Variants in DMBT1 observed in about 807,000 individuals in gnomAD.
The protein encoded by DMBT1 is deleted in malignant brain tumors 1.
Under a neutral mutation model 252.9 loss-of-function variants are expected in DMBT1, and 198 were observed. That is an observed-to-expected ratio of 0.78 (90% CI 0.70 to 0.88). The LOEUF is 0.88. Ranked by LOEUF, DMBT1 falls within the 40% of genes least tolerant of loss-of-function variation. The pLI is 0.00. For synonymous variants in DMBT1, 990 were observed against 942.7 expected, an observed-to-expected ratio of 1.05 and a Z score of -0.92; for missense variants, 2,432 against 2,404.7, an observed-to-expected ratio of 1.01 and a Z score of -0.24.
At position 122,640,246 on chromosome 10, in the gene DMBT1, C is replaced by T. The variant is rs749231034; in HGVS notation, c.7149C>T (p.Asp2383=). ...QVEEVQYGNF[D]VNISFYTSSS... Reference sequence around the variant, plus strand: ...AGGAAGTCCAGTATGGCAATTTTGACGTGAACATTTCCTTTTATACTTCCT... The same window carrying T: ...AGGAAGTCCAGTATGGCAATTTTGATGTGAACATTTCCTTTTATACTTCCT... Residue 2383 remains aspartate, a synonymous_variant, in exon 55 of 56, where the codon GAC becomes GAT. Coordinates refer to ENST00000338354, the MANE Select transcript of DMBT1 (RefSeq NM_001377530.1). 2.4e-5 allele frequency: 38 copies of T among 1,613,912 alleles called. No individual in the cohort carries two copies. The highest frequency in any genetic ancestry group is 1.1e-4 in the East Asian group (5 of 44,896).
intron 2 of DMBT1, among the ~76,000 whole-genome samples, chr10:122,569,867 T>C (rs1239779944): frequency 6.6e-6 from 1 of 152,206 alleles, no homozygotes; most frequent in Non-Finnish European, 1.5e-5. Context: ...TCATTGACAT[T>C]GGATCTTGTG....
chr10:122,635,987 G>T lies in DMBT1; in HGVS notation c.6549-4G>T. The T allele has an allele frequency of 6.2e-7, 1 of 1,613,852 alleles. No individual in the cohort carries two copies. The highest frequency in any genetic ancestry group is 8.5e-7 in the Non-Finnish European group (1 of 1,179,886). ...AAGCCAAATGGTGTGTCCTCTCTCT[G>T]CAGGCTTGAAGGTGGCTGCAACTAT... On this transcript the variant is annotated splice_polypyrimidine_tract_variant and splice_region_variant and intron_variant, in intron 52 of 55. Transcript: ENST00000338354.
intron 2 of DMBT1, among the ~76,000 whole-genome samples, chr10:122,569,410 C>A (rs1038580042): frequency 1.3e-5 from 2 of 152,208 alleles, no homozygotes; most frequent in African/African-American, 4.8e-5. Flanking sequence ...AAGAGAACTT[C>A]TCCTGGACCC....
chr10:122,633,952 A>G (rs996388457), intron 52 of DMBT1, among the ~76,000 whole-genome samples: 4 of 152,094 alleles, frequency 2.6e-5, no homozygotes, highest in African/African-American at 9.7e-5. Flanking sequence ...TGAGCAATAT[A>G]GGGAGACCCC....
chr10:122,569,923 G>A (rs3019530), intron 2 of DMBT1, among the ~76,000 whole-genome samples: 1 of 151,580 alleles, frequency 6.6e-6, no homozygotes, highest in Non-Finnish European at 1.5e-5. Context: ...TTGAATACAG[G>A]TCGTGGCAGC....
At chr10:122,619,413 C>A in intron 42 of DMBT1, 76 bp downstream of exon 42, 1 of 1,587,542 alleles carries the variant, frequency 6.3e-7, no homozygotes, top group South Asian at 1.1e-5. Flanking sequence ...CCACAGAGCT[C>A]TCCTGCTTTT....
At chr10:122,577,866 G>C in intron 8 of DMBT1, 26 bp downstream of exon 8, 1 of 1,612,814 alleles carries the variant, frequency 6.2e-7, no homozygotes, top group Non-Finnish European at 8.5e-7. Context: ...CCTTCCTCGG[G>C]ATACCCCTTC....
At position 122,618,334 on chromosome 10, in the gene DMBT1, T is replaced by C; in HGVS notation, c.5209T>C (p.Cys1737Arg). 1 of 1,613,892 alleles carries C rather than the reference T, an allele frequency of 6.2e-7. No homozygotes were observed. Among genetic ancestry groups the C allele is most frequent in the Non-Finnish European group, 8.5e-7 (1 of 1,179,774 alleles). Reference protein sequence around the residue: ...CGHHEDAGVICSAAQSQSTPR... With the variant: ...CGHHEDAGVIRSAAQSQSTPR... The stretch of plus-strand genomic sequence containing the variant: ...CCATCATGAAGATGCTGGTGTCATC[T>C]GCTCAGGTGGGCTTTCAAGACCTTG... The change falls in exon 41 of 56, where the codon TGC (cysteine) becomes CGC (arginine). Residue 1737 changes from cysteine to arginine, a missense_variant. Physicochemically the swap from Cys to Arg is radical, Grantham distance 180. Transcript: ENST00000338354.
chr10:122,640,753 G>T (rs531440706), intron 55 of DMBT1, among the ~76,000 whole-genome samples: 2 of 152,276 alleles, frequency 1.3e-5, no homozygotes, highest in African/African-American at 4.8e-5. Context: ...CACTCAGCAG[G>T]TTAGCTGTAA....
At position 122,593,774 on chromosome 10, in the gene DMBT1, G is replaced by A. The variant is rs924565405; in HGVS notation, c.2530+176G>A. Among the ~76,000 whole-genome samples, 8 of 147,716 alleles carry A rather than the reference G, an allele frequency of 5.4e-5. 1 individual carries two copies. The highest frequency in any genetic ancestry group is 7.6e-5 in the Non-Finnish European group (5 of 66,116). On this transcript the variant is annotated intron_variant, in intron 21 of 55. Transcript: ENST00000338354. The stretch of plus-strand genomic sequence containing the variant: ...GCACAGCGCTTTTTAAACACACACA[G>A]GATTGAGGAGGCCTCTGTCTTCTTT...
intron 50 of DMBT1, 48 bp from the exon 51 acceptor site, chr10:122,632,813 G>A (rs1011920435): frequency 6.2e-7 from 1 of 1,606,568 alleles, no homozygotes; most frequent in Admixed American, 1.7e-5. Context: ...CGACAGCTGT[G>A]TCAGGGATGC....
At chr10:122,597,867 C>T in intron 24 of DMBT1, 107 bp from the exon 25 acceptor site, 3 of 1,548,736 alleles carry the variant, frequency 1.9e-6, no homozygotes, top group Non-Finnish European at 2.7e-6. Context: ...TGGCAGGAAC[C>T]AGAAGTGGGG....
intron 28 of DMBT1, among the ~76,000 whole-genome samples, chr10:122,601,446 GCTC>G (rs1322419209): frequency 4.5e-4 from 32 of 71,564 alleles, no homozygotes; most frequent in Non-Finnish European, 7.0e-4. Flanking sequence ...GTGCCAATGA[GCTC>G]CTGAATTCGG....
intron 26 of DMBT1, among the ~76,000 whole-genome samples, chr10:122,599,467 ACT>A (rs1182382805): frequency 2.0e-5 from 3 of 152,190 alleles, no homozygotes; most frequent in Non-Finnish European, 4.4e-5. Flanking sequence ...ACTGTGAGGA[ACT>A]CTGAACTAAA....
chr10:122,577,782 T>A lies in DMBT1; in HGVS notation c.608-29T>A, dbSNP rs755888132. 10 of 1,613,086 alleles carry A rather than the reference T, an allele frequency of 6.2e-6. No homozygotes were observed. The South Asian group carries it at 9.9e-5, about 16-fold the overall frequency. Reference sequence around the variant, plus strand: ...CTACTTGGAGTCACTGAGTGTTTGGTGTCTAATGTTGCTATTTTTTTCTCA... The same window carrying A: ...CTACTTGGAGTCACTGAGTGTTTGGAGTCTAATGTTGCTATTTTTTTCTCA... On this transcript the variant is annotated intron_variant, in intron 7 of 55. Coordinates refer to ENST00000338354, the MANE Select transcript of DMBT1 (RefSeq NM_001377530.1).
chr10:122,599,090 C>G lies in DMBT1; in HGVS notation c.3273C>G (p.Ile1091Met). The change falls in exon 26 of 56, where the codon ATC (isoleucine) becomes ATG (methionine). Residue 1091 changes from isoleucine to methionine, a missense_variant. Ile to Met is a conservative substitution (Grantham distance 10). Coordinates refer to ENST00000338354, the MANE Select transcript of DMBT1 (RefSeq NM_001377530.1). ...NCGHSEDAGV[I>M]CSASQSRPTP... is the part of the protein sequence containing the mutation. ...GCCATAGTGAAGACGCTGGTGTCAT[C>G]TGCTCAGGTGGGCCTTCAAGAACTT... 1.2e-6 allele frequency: 2 copies of G among 1,613,868 alleles called. No homozygotes were observed. The highest frequency in any genetic ancestry group is 1.7e-6 in the Non-Finnish European group (2 of 1,179,772).
rs187544343 is a variant in DMBT1 at position 122,573,691 on chromosome 10, G to A, written c.236-24G>A. On this transcript the variant is annotated intron_variant, in intron 5 of 55. Coordinates refer to ENST00000338354, the MANE Select transcript of DMBT1 (RefSeq NM_001377530.1). ...CCCAAGCGAGGGCTACGATCAATGA[G>A]CTCTTCCTTTCTCCACCCTGCAGGT... is the stretch of plus-strand genomic sequence containing the variant. 9.8e-5 allele frequency: 158 copies of A among 1,613,758 alleles called. No homozygotes were observed. In the East Asian group the frequency reaches 2.9e-3, roughly 29 times the overall value.
At chr10:122,589,927 G>A (rs1469302770) in intron 17 of DMBT1, among the ~76,000 whole-genome samples, 2 of 148,682 alleles carry the variant, frequency 1.3e-5, no homozygotes, top group African/African-American at 4.9e-5. Context: ...CCCAACATGA[G>A]TCTTGTATGG....
At chr10:122,568,670 G>A (rs1316882693) in intron 2 of DMBT1, among the ~76,000 whole-genome samples, 1 of 152,240 alleles carries the variant, frequency 6.6e-6, no homozygotes, top group Non-Finnish European at 1.5e-5. Context: ...GGCTAATGGG[G>A]CACTATGTGT....
Sources: allele counts gnomAD v4.1 joint callset (sites outside exome capture counted in the v4.1 genomes callset), GRCh38; gene constraint gnomAD v4.1.1; transcripts MANE v1.5; gene names NCBI Gene and HGNC (gene_info 2026-07-23, HGNC 2026-07-21).